PRPSAP2: variants seen among roughly 807,000 people sequenced by gnomAD.
PRPSAP2 encodes the protein phosphoribosyl pyrophosphate synthetase associated protein 2.
PRPSAP2 carries 24 observed loss-of-function variants against 40.6 expected under a neutral mutation model. That is an observed-to-expected ratio of 0.59 (90% CI 0.43 to 0.83). The LOEUF (loss-of-function observed/expected upper bound fraction) is 0.83. Among genes scored for constraint, PRPSAP2 ranks in the 40% least tolerant of loss-of-function variants. The probability of loss-of-function intolerance (pLI) is 0.00; values close to 1 mark genes in which losing one functional copy is unlikely to be tolerated. For missense variants in PRPSAP2, 292 were observed against 465.6 expected, an observed-to-expected ratio of 0.63 and a Z score of 3.43; for synonymous variants, 149 against 164.7, an observed-to-expected ratio of 0.90 and a Z score of 0.73.
chr17:18,869,364 G>A (rs1056802270), intron 4 of PRPSAP2, among the ~76,000 whole-genome samples: 11 of 149,926 alleles, frequency 7.3e-5, no homozygotes, highest in African/African-American at 2.7e-4. Flanking sequence ...TTGAGACAGG[G>A]TCTTTCTGTG....
intron 7 of PRPSAP2, among the ~76,000 whole-genome samples, chr17:18,883,164 T>C (rs1031399378): frequency 2.6e-5 from 4 of 152,324 alleles, no homozygotes; most frequent in African/African-American, 9.6e-5. Context: ...GAAGCGGTGC[T>C]GAATCTGTCA....
At chr17:18,922,673 T>TAA (rs1415989049) in intron 9 of PRPSAP2, among the ~76,000 whole-genome samples, 16 of 105,236 alleles carry the variant, frequency 1.5e-4, no homozygotes, top group South Asian at 7.5e-4. Flanking sequence ...ATATAATTTT[T>TAA]TTTTTTTTTT....
chr17:18,919,938 G>T (rs1044211379), intron 9 of PRPSAP2, among the ~76,000 whole-genome samples: 1 of 152,148 alleles, frequency 6.6e-6, no homozygotes, highest in Non-Finnish European at 1.5e-5. Flanking sequence ...GGCTGGGAGG[G>T]TGTTAATAAA....
chr17:18,886,331 C>T (rs928165058), intron 7 of PRPSAP2, among the ~76,000 whole-genome samples: 1 of 151,708 alleles, frequency 6.6e-6, no homozygotes, highest in South Asian at 2.1e-4. Flanking sequence ...CTAGGATGCT[C>T]GTTGCCTTGA....
At chr17:18,916,934 T>C (rs1555563030) in intron 9 of PRPSAP2, among the ~76,000 whole-genome samples, 1 of 151,674 alleles carries the variant, frequency 6.6e-6, no homozygotes, top group Non-Finnish European at 1.5e-5. Context: ...TACTATCACA[T>C]TGGGTATTAA....
chr17:18,924,740 G>A (rs1343541836), intron 10 of PRPSAP2, among the ~76,000 whole-genome samples: 3 of 148,864 alleles, frequency 2.0e-5, no homozygotes. Context: ...CTGCACTCCA[G>A]CCTGGGTGAC....
chr17:18,862,260 C>G (rs2037080801), intron 1 of PRPSAP2, among the ~76,000 whole-genome samples: 1 of 152,180 alleles, frequency 6.6e-6, no homozygotes, highest in South Asian at 2.1e-4. Context: ...TGGGGCTGTT[C>G]AAGCTTCTGT....
intron 5 of PRPSAP2, among the ~76,000 whole-genome samples, chr17:18,873,006 T>TAA (rs2038003839): frequency 6.6e-6 from 1 of 151,718 alleles, no homozygotes; most frequent in East Asian, 1.9e-4. Context: ...CACGCCTGGC[T>TAA]AATTTTTGTA....
chr17:18,887,796 C>T (rs932621508), intron 7 of PRPSAP2, among the ~76,000 whole-genome samples: 1 of 151,770 alleles, frequency 6.6e-6, no homozygotes, highest in Admixed American at 6.6e-5. Flanking sequence ...CTTCTTCCCC[C>T]TAGATTTATT....
chr17:18,872,354 A>G (rs2037955465), intron 4 of PRPSAP2, among the ~76,000 whole-genome samples: 1 of 152,050 alleles, frequency 6.6e-6, no homozygotes, highest in East Asian at 1.9e-4. Context: ...AGAATTATAC[A>G]TTTACTTATT....
intron 7 of PRPSAP2, among the ~76,000 whole-genome samples, chr17:18,882,932 T>C (rs899273268): frequency 1.3e-5 from 2 of 152,234 alleles, no homozygotes; most frequent in East Asian, 3.8e-4. Flanking sequence ...ATGATTGTAA[T>C]GAGTAATTTA....
At chr17:18,909,776 G>A (rs140719840) in intron 8 of PRPSAP2, among the ~76,000 whole-genome samples, 170 of 152,004 alleles carry the variant, frequency 1.1e-3, no homozygotes, top group African/African-American at 3.6e-3. Context: ...GTGGTGGCAC[G>A]TGCCTATAAT....
chr17:18,863,831 C>CTTTTTTTTTTTT (rs34770102), intron 1 of PRPSAP2, among the ~76,000 whole-genome samples: 46 of 86,032 alleles, frequency 5.3e-4, no homozygotes, highest in Non-Finnish European at 6.2e-4. Context: ...ACTGCGTGGC[C>CTTTTTTTTTTTT]TTTTTTTTTT....
chr17:18,879,720 T>C (rs1231239773), intron 6 of PRPSAP2, among the ~76,000 whole-genome samples: 2 of 151,998 alleles, frequency 1.3e-5, no homozygotes, highest in African/African-American at 4.8e-5. Context: ...TCCCAAAGTG[T>C]TGGGATTACA....
At chr17:18,888,936 A>G (rs2039359913) in intron 7 of PRPSAP2, among the ~76,000 whole-genome samples, 1 of 152,168 alleles carries the variant, frequency 6.6e-6, no homozygotes, top group Admixed American at 6.5e-5. Context: ...CCTTTCTTTT[A>G]GGTCCTTTAA....
chr17:18,859,033 A>G (rs1446297997), intron 1 of PRPSAP2, among the ~76,000 whole-genome samples: 1 of 152,094 alleles, frequency 6.6e-6, no homozygotes, highest in East Asian at 1.9e-4. Context: ...TCATTCATAG[A>G]TACTTTTGCG....
intron 8 of PRPSAP2, among the ~76,000 whole-genome samples, chr17:18,897,991 C>CTTTT (rs71155370): frequency 4.3e-5 from 5 of 116,332 alleles, no homozygotes; most frequent in Non-Finnish European, 8.6e-5. Context: ...AGAATTTTTG[C>CTTTT]TTTTTTTTTT....
chr17:18,896,910 A>C (rs1250070043), intron 8 of PRPSAP2, among the ~76,000 whole-genome samples: 1 of 152,078 alleles, frequency 6.6e-6, no homozygotes, highest in Non-Finnish European at 1.5e-5. Flanking sequence ...AGAACTGGAG[A>C]GAGAGGCATG....
At chr17:18,896,963 C>T (rs1027268077) in intron 8 of PRPSAP2, among the ~76,000 whole-genome samples, 2 of 150,718 alleles carry the variant, frequency 1.3e-5, no homozygotes, top group African/African-American at 2.4e-5. Context: ...AAAACACACA[C>T]AGTTTCTTTT....
Sources: allele counts gnomAD v4.1 joint callset (sites outside exome capture counted in the v4.1 genomes callset), GRCh38; gene constraint gnomAD v4.1.1; transcripts MANE v1.5; gene names NCBI Gene and HGNC (gene_info 2026-07-23, HGNC 2026-07-21).